Variants in MAD2L1 observed in about 807,000 individuals in gnomAD.
The protein encoded by MAD2L1 is mitotic arrest deficient 2 like 1.
Under a neutral mutation model 25.9 loss-of-function variants are expected in MAD2L1, and 10 were observed. That is an observed-to-expected ratio of 0.39 (90% CI 0.24 to 0.66). MAD2L1 has a LOEUF of 0.66. Among genes scored for constraint, MAD2L1 ranks in the 30% least tolerant of loss-of-function variants. The probability of loss-of-function intolerance (pLI) is 0.49; values close to 1 mark genes in which losing one functional copy is unlikely to be tolerated. For missense variants in MAD2L1, 180 were observed against 246.4 expected (o/e 0.73, Z 1.80); for synonymous variants, 81 against 91.8 (o/e 0.88, Z 0.67).
intron 2 of MAD2L1, among the ~76,000 whole-genome samples, chr4:120,063,745 C>G (rs1726264527): frequency 6.6e-6 from 1 of 152,212 alleles, no homozygotes; most frequent in Non-Finnish European, 1.5e-5. Context: ...TGAGCAGCCA[C>G]TCATGCCTGT....
rs1314118348 is a variant in MAD2L1, at chr4:120,057,355, G to C, written c.*2763C>G. 2 of 152,336 alleles carry C rather than the reference G, an allele frequency of 1.3e-5. No individual in the cohort carries two copies. The allele number at this position is 152,336 out of a possible 1,614,324, so 9.4% of individuals were successfully genotyped here. On this transcript the variant is annotated 3_prime_UTR_variant, in exon 5 of 5. Coordinates refer to ENST00000296509, the MANE Select transcript of MAD2L1 (RefSeq NM_002358.4). ...GCTTGACCTTCACTTGCTTTGGTCA[G>C]TGTGAAAAAGCTGGCCTTCAGAGTC...
rs928684195 is a variant in MAD2L1, at chr4:120,056,113, G to C, written c.*4005C>G. ...TGAACTTCCTTGGCTAGGGATAGAA[G>C]GAAGAGATCACCTAAACTTCAAAAA... On this transcript the variant is annotated 3_prime_UTR_variant, in exon 5 of 5. Coordinates refer to ENST00000296509, the MANE Select transcript of MAD2L1 (RefSeq NM_002358.4). The C allele has an allele frequency of 2.0e-5, 3 of 152,138 alleles. No homozygotes were observed. The highest frequency in any genetic ancestry group is 4.4e-5 in the Non-Finnish European group (3 of 68,020). 9.4% of individuals were successfully genotyped at this position (152,138 alleles called of 1,614,324 possible).
chr4:120,061,121 G>A (rs1217893347), intron 3 of MAD2L1, 144 bp from the exon 4 acceptor site: 2 of 555,302 alleles, frequency 3.6e-6, no homozygotes, highest in African/African-American at 1.9e-5. Flanking sequence ...TGTAAAAAAT[G>A]TGAGTGAAAG....
At chr4:120,065,580 G>T in intron 2 of MAD2L1, 92 bp downstream of exon 2, 2 of 1,057,838 alleles carry the variant, frequency 1.9e-6, no homozygotes, top group Non-Finnish European at 1.4e-6. Context: ...TATTTGAGAT[G>T]TCAGTACACT....
Position 120,066,807 on chromosome 4 carries a change from C to T in MAD2L1, c.-73G>A. The T allele has an allele frequency of 8.9e-7, 1 of 1,129,164 alleles. No homozygotes were observed. Among genetic ancestry groups the T allele is most frequent in the East Asian group, 2.5e-5 (1 of 39,548 alleles). The allele number at this position is 1,129,164 out of a possible 1,614,324, so 69.9% of individuals were successfully genotyped here. A position where few individuals can be genotyped will look rare whatever the true frequency, so the allele number is the denominator to read the frequency against. On this transcript the variant is annotated 5_prime_UTR_variant, in exon 1 of 5. Coordinates refer to ENST00000296509, the MANE Select transcript of MAD2L1 (RefSeq NM_002358.4). ...ACCACAGCGGCTCCAACAGCACTTCCCCGCCAAGCGTTTCAAAAGTAACGA... is the reference window on the plus strand; with the variant it reads ...ACCACAGCGGCTCCAACAGCACTTCTCCGCCAAGCGTTTCAAAAGTAACGA...
chr4:120,066,423 G>A (rs148453294), intron 1 of MAD2L1, among the ~76,000 whole-genome samples: 2 of 152,154 alleles, frequency 1.3e-5, no homozygotes, highest in African/African-American at 4.8e-5. Context: ...CGGAAAGTAA[G>A]GGGTGGGAGG....
chr4:120,064,107 C>T (rs1448509017), intron 2 of MAD2L1, among the ~76,000 whole-genome samples: 2 of 152,178 alleles, frequency 1.3e-5, no homozygotes, highest in African/African-American at 4.8e-5. Flanking sequence ...ATGTCATTAA[C>T]GCAGTCTCAA....
intron 2 of MAD2L1, among the ~76,000 whole-genome samples, chr4:120,064,805 A>C (rs1435014231): frequency 6.6e-6 from 1 of 152,182 alleles, no homozygotes; most frequent in Non-Finnish European, 1.5e-5. Flanking sequence ...GCATATTAAA[A>C]ATGGGTTAGT....
chr4:120,061,812 C>A (rs534979930), intron 3 of MAD2L1, among the ~76,000 whole-genome samples, 163 bp downstream of exon 3: 1 of 151,772 alleles, frequency 6.6e-6, no homozygotes, highest in Non-Finnish European at 1.5e-5. Flanking sequence ...AAACTGAGCA[C>A]AATTCTTTTC....
intron 2 of MAD2L1, 36 bp from the exon 3 acceptor site, chr4:120,062,131 C>A: frequency 6.3e-7 from 1 of 1,587,804 alleles, no homozygotes; most frequent in Admixed American, 1.8e-5. Flanking sequence ...CTTTCTTGGT[C>A]CACTGCATCA....
Position 120,062,012 on chromosome 4 carries a change from A to G in MAD2L1, c.304T>C (p.Phe102Leu). Residue 102 changes from phenylalanine to leucine, a missense_variant, in exon 3 of 5, where the codon TTT becomes CTT. Transcript: ENST00000296509. ...ESGEVLERWQ[F>L]DIECDKTAKD... ...GCAGTCTTGTCACACTCAATATCAA[A>G]CTGCCATCTTTCCAGGACCTCACCA... 6.2e-7 allele frequency: 1 copy of G among 1,613,156 alleles called. No individual in the cohort carries two copies. Among genetic ancestry groups the G allele is most frequent in the Non-Finnish European group, 8.5e-7 (1 of 1,179,472 alleles).
intron 2 of MAD2L1, 98 bp from the exon 3 acceptor site, chr4:120,062,193 C>T (rs1202267613): frequency 3.6e-6 from 4 of 1,102,944 alleles, no homozygotes; most frequent in East Asian, 2.5e-5. Context: ...AAATTCCTAC[C>T]ACTGCTATCT....
At position 120,058,293 on chromosome 4, in the gene MAD2L1, T is replaced by C. The variant is rs1172450923; in HGVS notation, c.*1825A>G. 5 of 152,208 alleles carry C rather than the reference T, an allele frequency of 3.3e-5. No homozygotes were observed. Among genetic ancestry groups the C allele is most frequent in the Non-Finnish European group, 5.9e-5 (4 of 68,048 alleles). The allele number at this position is 152,208 out of a possible 1,614,324, so 9.4% of individuals were successfully genotyped here. On this transcript the variant is annotated 3_prime_UTR_variant, in exon 5 of 5. Transcript: ENST00000296509. ...ATCTAAGAATTTAATCCTGTTAATA[T>C]TGGTAGCTGAGTTGAAATGACCAGA... is the stretch of plus-strand genomic sequence containing the variant.
intron 2 of MAD2L1, among the ~76,000 whole-genome samples, chr4:120,063,227 G>T (rs1430103439): frequency 4.6e-5 from 7 of 152,146 alleles, no homozygotes; most frequent in African/African-American, 1.7e-4. Context: ...ACTACACAGA[G>T]GTTGTTAGTG....
intron 2 of MAD2L1, among the ~76,000 whole-genome samples, chr4:120,063,576 AATTTGC>A (rs1259279664): frequency 6.6e-6 from 1 of 152,228 alleles, no homozygotes; most frequent in Non-Finnish European, 1.5e-5. Context: ...ACTGGGTGGT[AATTTGC>A]TCTTCCTTTA....
At chr4:120,063,562 G>A (rs1464733499) in intron 2 of MAD2L1, among the ~76,000 whole-genome samples, 1 of 152,164 alleles carries the variant, frequency 6.6e-6, no homozygotes, top group Non-Finnish European at 1.5e-5. Flanking sequence ...ACTCTGAAAA[G>A]GAGACTGGGT....
At chr4:120,061,038 T>C (rs1169665874) in intron 3 of MAD2L1, 61 bp from the exon 4 acceptor site, 8 of 943,380 alleles carry the variant, frequency 8.5e-6, no homozygotes, top group Non-Finnish European at 1.0e-5. Flanking sequence ...ATTTCAAACA[T>C]AGTGGTTAGA....
intron 2 of MAD2L1, 65 bp from the exon 3 acceptor site, chr4:120,062,160 G>A (rs1726231440): frequency 6.0e-6 from 9 of 1,492,836 alleles, no homozygotes; most frequent in African/African-American, 2.8e-5. Flanking sequence ...CTCTCTTCTC[G>A]GGTCCCACTC....
At position 120,062,038 on chromosome 4, in the gene MAD2L1, C is replaced by G; in HGVS notation, c.278G>C (p.Ser93Thr). The G allele has an allele frequency of 6.2e-7, 1 of 1,613,034 alleles. No homozygotes were observed. ...KLVVVISNIE[S>T]GEVLERWQFD... The stretch of plus-strand genomic sequence containing the variant: ...CTGCCATCTTTCCAGGACCTCACCA[C>G]TTTCAATATTTGAGATAACTACAAC... Residue 93 changes from serine (S) to threonine (T), a missense_variant, in exon 3 of 5, where the codon AGT (serine) becomes ACT (threonine). Coordinates refer to ENST00000296509, the MANE Select transcript of MAD2L1 (RefSeq NM_002358.4).
Sources: allele counts gnomAD v4.1 joint callset (sites outside exome capture counted in the v4.1 genomes callset), GRCh38; gene constraint gnomAD v4.1.1; transcripts MANE v1.5; gene names NCBI Gene and HGNC (gene_info 2026-07-23, HGNC 2026-07-21).